ZFAND3: variants seen among roughly 807,000 people sequenced by gnomAD.
The protein encoded by ZFAND3 is AN1-type zinc finger protein 3.
ZFAND3 carries 10 observed loss-of-function variants against 29.6 expected under a neutral mutation model. That is an observed-to-expected ratio of 0.34 (90% confidence interval 0.21 to 0.57). The LOEUF (loss-of-function observed/expected upper bound fraction) is 0.57. ZFAND3 is among the 20% of genes least tolerant of loss of function. ZFAND3 has a pLI of 0.86. For synonymous variants in ZFAND3, 128 were observed against 112.6 expected (o/e 1.14, Z -0.87); for missense variants, 230 against 304.5 (o/e 0.76, Z 1.82).
intron 5 of ZFAND3, among the ~76,000 whole-genome samples, chr6:38,133,293 C>T (rs890511608): frequency 6.6e-6 from 1 of 152,180 alleles, no homozygotes; most frequent in East Asian, 1.9e-4. Flanking sequence ...ACTGCAGTGC[C>T]TGGCGTGCGG....
chr6:37,847,249 G>GT (rs1764198412), intron 1 of ZFAND3, among the ~76,000 whole-genome samples: 1 of 151,926 alleles, frequency 6.6e-6, no homozygotes, highest in South Asian at 2.1e-4. Flanking sequence ...CTCATGTAAG[G>GT]TTATTTGCTC....
chr6:37,880,908 G>A (rs1200299634), intron 1 of ZFAND3, among the ~76,000 whole-genome samples: 1 of 150,698 alleles, frequency 6.6e-6, no homozygotes, highest in East Asian at 2.0e-4. Context: ...TATACCTAAT[G>A]ATAGATGACA....
At chr6:37,895,459 C>CTTT (rs11331881) in intron 1 of ZFAND3, among the ~76,000 whole-genome samples, 233 of 76,716 alleles carry the variant, frequency 3.0e-3, no homozygotes, top group Middle Eastern at 0.012. Context: ...CTCAGAGGTT[C>CTTT]TTTTTTTTTT....
At position 37,819,976 on chromosome 6, in the gene ZFAND3, G is replaced by A; in HGVS notation, c.31G>A (p.Ala11Thr). 1 of 1,222,314 alleles carries A rather than the reference G, an allele frequency of 8.2e-7. No homozygotes were observed. Among genetic ancestry groups the A allele is most frequent in the Non-Finnish European group, 1.0e-6 (1 of 981,974 alleles). 75.7% of individuals were successfully genotyped at this position (1,222,314 alleles called of 1,614,324 possible). The change falls in exon 1 of 6, where the codon GCG (alanine) becomes ACG (threonine). Residue 11 changes from alanine to threonine, a missense_variant. This residue lies in a region of ZFAND3 where 180 missense variants were observed against 202.5 expected (regional missense o/e 0.89). Transcript: ENST00000287218. MGDAGSERSKAPSLPPRCPCG... is the reference protein window; with the variant it reads MGDAGSERSKTPSLPPRCPCG... ...AGACGCTGGGAGCGAGCGCAGCAAAGCGCCCAGCCTGCCGCCTCGCTGTCC... is the reference window on the plus strand; with the variant it reads ...AGACGCTGGGAGCGAGCGCAGCAAAACGCCCAGCCTGCCGCCTCGCTGTCC...
chr6:37,991,055 A>G (rs1178132467), intron 2 of ZFAND3, among the ~76,000 whole-genome samples: 12 of 152,070 alleles, frequency 7.9e-5, no homozygotes, highest in African/African-American at 2.2e-4. Flanking sequence ...TTATAACCCA[A>G]TGTCCTTTGA....
chr6:38,103,402 TACAC>T (rs139554326), intron 4 of ZFAND3, among the ~76,000 whole-genome samples: 10 of 147,512 alleles, frequency 6.8e-5, no homozygotes, highest in Admixed American at 2.0e-4. Flanking sequence ...CACATATATA[TACAC>T]ACACACGTAT....
At chr6:37,948,432 A>T (rs1761938703) in intron 2 of ZFAND3, among the ~76,000 whole-genome samples, 1 of 152,082 alleles carries the variant, frequency 6.6e-6, no homozygotes, top group Non-Finnish European at 1.5e-5. Context: ...GTTAATGTTC[A>T]CCTGGCATAG....
At chr6:38,073,803 T>C (rs995283673) in intron 3 of ZFAND3, among the ~76,000 whole-genome samples, 2 of 152,198 alleles carry the variant, frequency 1.3e-5, no homozygotes, top group Non-Finnish European at 2.9e-5. Flanking sequence ...AAATTGAACA[T>C]ATTTAACTGC....
At chr6:37,937,262 G>A (rs1761714505) in intron 2 of ZFAND3, among the ~76,000 whole-genome samples, 1 of 152,280 alleles carries the variant, frequency 6.6e-6, no homozygotes, top group Non-Finnish European at 1.5e-5. Flanking sequence ...CACAAATAAT[G>A]TAGAAACAAA....
chr6:38,015,458 T>C (rs562411275), intron 2 of ZFAND3, among the ~76,000 whole-genome samples: 1 of 152,152 alleles, frequency 6.6e-6, no homozygotes, highest in African/African-American at 2.4e-5. Context: ...AAGTCTGTAT[T>C]CTGGAAATGC....
At position 37,976,161 on chromosome 6, in the gene ZFAND3, T is replaced by C. The variant is rs1581805907; in HGVS notation, c.112+46162T>C. Reference sequence around the variant, plus strand: ...AAGGGTATTTAACCTTTGAAAATAGTATGTGATGGTTCATATATTGATTTT... The same window carrying C: ...AAGGGTATTTAACCTTTGAAAATAGCATGTGATGGTTCATATATTGATTTT... On this transcript the variant is annotated intron_variant, in intron 2 of 5. Coordinates refer to ENST00000287218, the MANE Select transcript of ZFAND3 (RefSeq NM_021943.3). Among the ~76,000 whole-genome samples, 14 of 152,350 alleles carry C rather than the reference T, an allele frequency of 9.2e-5. No individual in the cohort carries two copies. The South Asian group carries it at 2.7e-3, about 29-fold the overall frequency.
chr6:37,927,345 A>C (rs1039893828), intron 1 of ZFAND3, among the ~76,000 whole-genome samples: 1 of 152,186 alleles, frequency 6.6e-6, no homozygotes, highest in African/African-American at 2.4e-5. Flanking sequence ...TATATGAGTT[A>C]TATCTGGCTT....
At position 38,111,543 on chromosome 6, in the gene ZFAND3, C is replaced by G. The variant is rs370238453; in HGVS notation, c.362-5029C>G. On this transcript the variant is annotated intron_variant, in intron 4 of 5. Transcript: ENST00000287218. ...CCAGCCCCCCACTCCTCCTTCGTCT[C>G]CTCCTCAGCTAGTCAGCGTGAAGAC... Among the ~76,000 whole-genome samples the G allele has an allele frequency of 1.5e-3, 231 of 152,304 alleles. 1 individual carries two copies. Among genetic ancestry groups the G allele is most frequent in the African/African-American group, 5.4e-3 (225 of 41,554 alleles).
rs1764583995 is a variant in ZFAND3 at position 38,077,803 on chromosome 6, G to C, written c.296-4589G>C. On this transcript the variant is annotated intron_variant, in intron 3 of 5. Coordinates refer to ENST00000287218, the MANE Select transcript of ZFAND3 (RefSeq NM_021943.3). ...GTATTTACTCAGCTGTGGATTTTGAGTGCGTGAAAGGCTAAATGCAGCTAT... is the reference window on the plus strand; with the variant it reads ...GTATTTACTCAGCTGTGGATTTTGACTGCGTGAAAGGCTAAATGCAGCTAT... 2.6e-5 allele frequency among the ~76,000 whole-genome samples: 4 copies of C among 152,180 alleles called. No homozygotes were observed. In the South Asian group the frequency reaches 8.3e-4, roughly 32 times the overall value.
intron 2 of ZFAND3, among the ~76,000 whole-genome samples, chr6:38,019,298 T>C (rs1359374386): frequency 6.6e-6 from 1 of 152,216 alleles, no homozygotes; most frequent in Non-Finnish European, 1.5e-5. Flanking sequence ...TGCTTTAGTT[T>C]GTATATGTTG....
chr6:37,970,658 C>T (rs2127428353), intron 2 of ZFAND3, among the ~76,000 whole-genome samples: 1 of 152,312 alleles, frequency 6.6e-6, no homozygotes. Flanking sequence ...AATCCCAGCA[C>T]TTTGGGAGGC....
chr6:38,043,450 C>T (rs1017359033), intron 2 of ZFAND3, among the ~76,000 whole-genome samples: 3 of 149,362 alleles, frequency 2.0e-5, no homozygotes, highest in Admixed American at 1.3e-4. Flanking sequence ...ATCCCCTCCC[C>T]GTCTCTTCTC....
intron 2 of ZFAND3, among the ~76,000 whole-genome samples, chr6:37,971,720 G>A (rs578218135): frequency 6.6e-5 from 10 of 152,064 alleles, no homozygotes; most frequent in Non-Finnish European, 1.5e-4. Flanking sequence ...TGGGTGCAGT[G>A]GCTTATGCCT....
intron 1 of ZFAND3, among the ~76,000 whole-genome samples, chr6:37,843,672 T>A (rs1013880724): frequency 6.6e-6 from 1 of 152,200 alleles, no homozygotes; most frequent in African/African-American, 2.4e-5. Context: ...TGGGCCTGTT[T>A]TTGCAATTAC....
Sources: gnomAD v4.1 joint callset for allele counts (sites outside exome capture counted in the v4.1 genomes callset) on GRCh38, gnomAD v4.1.1 for gene constraint, gnomAD v4.1.1 regional missense constraint, MANE v1.5 for transcripts, NCBI Gene and HGNC (gene_info 2026-07-23, HGNC 2026-07-21) for gene names.